The following EQTN variants were observed in gnomAD, a reference collection of about 807,000 sequenced individuals.
The protein encoded by EQTN is equatorin.
Under a neutral mutation model 26.9 loss-of-function variants are expected in EQTN, and 29 were observed. That is an observed-to-expected ratio of 1.08 (90% CI 0.80 to 1.47). EQTN has a LOEUF of 1.47. Ranked by LOEUF, EQTN falls within the 40% of genes most tolerant of loss-of-function variation. The pLI, the probability that EQTN is intolerant of heterozygous loss-of-function variation, is 0.00. For missense variants in EQTN, 391 were observed against 346.1 expected (o/e 1.13, Z -1.03); for synonymous variants, 129 against 120.0 (o/e 1.07, Z -0.49).
At position 27,286,291 on chromosome 9, in the gene EQTN, C is replaced by T. The variant is rs1397234422; in HGVS notation, c.553G>A (p.Gly185Arg). 1.2e-6 allele frequency: 2 copies of T among 1,611,978 alleles called. No homozygotes were observed. Among genetic ancestry groups the T allele is most frequent in the East Asian group, 2.2e-5 (1 of 44,874 alleles). The change falls in exon 7 of 8, where the codon GGA (glycine) becomes AGA (arginine). Residue 185 changes from glycine (G) to arginine (R), a missense_variant. Transcript: ENST00000380032. ...LEDLKIKIMLGISLMTLLLFV... is the reference protein window; with the variant it reads ...LEDLKIKIMLRISLMTLLLFV... ...AGGAGGAGGGTCATCAACGAGATTC[C>T]CAGCATTATTTTGATCTTCAGATCC...
intron 4 of EQTN, 179 bp downstream of exon 4, chr9:27,292,222 C>A: frequency 2.6e-6 from 1 of 380,034 alleles, no homozygotes; most frequent in Non-Finnish European, 4.7e-6. Context: ...GTCAGGTATA[C>A]CTGAAGACTG....
Position 27,286,218 on chromosome 9 carries a change from C to T in EQTN, c.626G>A (p.Arg209Lys), listed in dbSNP as rs756595931. Residue 209 changes from arginine to lysine, a missense_variant, in exon 7 of 8, where the codon AGG (arginine) becomes AAG (lysine). By Grantham distance (26) the Arg-to-Lys change is conservative. Transcript: ENST00000380032. ...AGGTCTGCAGACTTACCTCAGATGC[C>T]TCAGTTTGTACAGTGTAGCACTACA... ...AFCSATLYKL[R>K]HLSYKSCESQ... is the part of the protein sequence containing the mutation. 8.7e-6 allele frequency: 14 copies of T among 1,613,566 alleles called. No individual in the cohort carries two copies. The South Asian group carries it at 1.3e-4, about 15-fold the overall frequency.
chr9:27,287,549 A>G (rs972496847), intron 6 of EQTN, among the ~76,000 whole-genome samples: 12 of 152,164 alleles, frequency 7.9e-5, no homozygotes, highest in African/African-American at 2.9e-4. Context: ...TTTTCTCTCT[A>G]AGCCTCAGTT....
chr9:27,286,541 T>C (rs959997882), intron 6 of EQTN, among the ~76,000 whole-genome samples, 179 bp from the exon 7 acceptor site: 3 of 152,192 alleles, frequency 2.0e-5, no homozygotes, highest in African/African-American at 7.2e-5. Context: ...CAAGCACTAT[T>C]AACTTGCCTC....
intron 6 of EQTN, among the ~76,000 whole-genome samples, chr9:27,288,480 A>G (rs1820164051): frequency 2.0e-5 from 3 of 152,074 alleles, no homozygotes; most frequent in Admixed American, 2.0e-4. Context: ...ACATGAACAT[A>G]CTCTTACCAT....
rs574929754 is a variant in EQTN at position 27,297,122 on chromosome 9, G to T, written c.-67C>A. On this transcript the variant is annotated 5_prime_UTR_variant, in exon 1 of 8. It adds an upstream start codon to the 5' untranslated region. Coordinates refer to ENST00000380032, the MANE Select transcript of EQTN (RefSeq NM_020641.3). ...CCCAGAGCCTCCTTTCTGTGGCCCA[G>T]CAGGTCCTGTGTCTAACTAGGACAT... 449 of 1,131,550 alleles carry T rather than the reference G, an allele frequency of 4.0e-4. No individual in the cohort carries two copies. The highest frequency in any genetic ancestry group is 5.6e-4 in the Non-Finnish European group (432 of 772,790). The allele number at this position is 1,131,550 out of a possible 1,614,324, so 70.1% of individuals were successfully genotyped here.
At chr9:27,289,914 C>T (rs1295869487) in intron 5 of EQTN, among the ~76,000 whole-genome samples, 183 bp from the exon 6 acceptor site, 1 of 152,188 alleles carries the variant, frequency 6.6e-6, no homozygotes, top group Admixed American at 6.5e-5. Context: ...CTGTTGCTCC[C>T]AGGGTAAATA....
At chr9:27,291,130 T>C in intron 4 of EQTN, 67 bp from the exon 5 acceptor site, 1 of 1,347,288 alleles carries the variant, frequency 7.4e-7, no homozygotes, top group South Asian at 1.3e-5. Context: ...ATAATTTAGT[T>C]TGAGGAACAT....
In EQTN at chr9:27,284,952, T is replaced by A. The variant is rs544361425; in HGVS notation, c.656A>T (p.Gln219Leu). The stretch of plus-strand genomic sequence containing the variant: ...GGCCAGCTCTGGGTTGACAGAGTAC[T>A]GACTCTCACAACTTTTATAACTGAA... The part of the protein sequence containing the change: ...RHLSYKSCES[Q>L]YSVNPELATM... The change falls in exon 8 of 8, where the codon CAG (glutamine) becomes CTG (leucine). Residue 219 changes from glutamine to leucine, a missense_variant. Transcript: ENST00000380032. The A allele has an allele frequency of 4.6e-5, 75 of 1,613,130 alleles. No homozygotes were observed. In the East Asian group the frequency reaches 1.4e-3, roughly 30 times the overall value.
chr9:27,295,609 G>A (rs10967866), intron 2 of EQTN, among the ~76,000 whole-genome samples: 46,604 of 151,890 alleles, frequency 0.31, 8,190 homozygotes, highest in Non-Finnish European at 0.39. Context: ...CGAGGCGGGC[G>A]GATCACGAGG....
At chr9:27,291,116 C>T in intron 4 of EQTN, 53 bp from the exon 5 acceptor site, 1 of 1,494,722 alleles carries the variant, frequency 6.7e-7, no homozygotes, top group Non-Finnish European at 9.1e-7. Context: ...AACAGGATAA[C>T]AAAATAATTT....
chr9:27,291,847 T>C (rs1482523066), intron 4 of EQTN, among the ~76,000 whole-genome samples: 2 of 152,188 alleles, frequency 1.3e-5, no homozygotes, highest in East Asian at 1.9e-4. Context: ...TCTCTTCAAT[T>C]AGGCCGCTTA....
intron 6 of EQTN, 125 bp downstream of exon 6, chr9:27,289,547 G>T (rs3739537): frequency 0.27 from 167,488 of 614,660 alleles, 25,235 homozygotes; most frequent in African/African-American, 0.47. Flanking sequence ...AAAGGTTTTT[G>T]TCATGTTGCC....
At chr9:27,294,585 T>TG (rs1820300688) in intron 2 of EQTN, 183 bp from the exon 3 acceptor site, 1 of 383,200 alleles carries the variant, frequency 2.6e-6, no homozygotes, top group African/African-American at 2.1e-5. Context: ...TAAAACTCAT[T>TG]GAAAAAAGCC....
chr9:27,284,939 G>A lies in EQTN; in HGVS notation c.669C>T (p.Asn223=), dbSNP rs1367700138. 2 of 1,614,020 alleles carry A rather than the reference G, an allele frequency of 1.2e-6. No individual in the cohort carries two copies. Among genetic ancestry groups the A allele is most frequent in the Non-Finnish European group, 1.7e-6 (2 of 1,179,968 alleles). Residue 223 remains asparagine, a synonymous_variant, in exon 8 of 8, where the codon AAC becomes AAT. Transcript: ENST00000380032. ...AGTAAGACATCGTGGCCAGCTCTGG[G>A]TTGACAGAGTACTGACTCTCACAAC... The part of the protein sequence containing the change: ...YKSCESQYSV[N]PELATMSYFH...
intron 3 of EQTN, among the ~76,000 whole-genome samples, chr9:27,293,958 GT>G (rs1820286603): frequency 6.6e-6 from 1 of 152,128 alleles, no homozygotes; most frequent in South Asian, 2.1e-4. Context: ...GCAAAAAAAC[GT>G]GGGTTTAAGA....
chr9:27,297,091 C>A lies in EQTN; in HGVS notation c.-36G>T, dbSNP rs148098562. 6.8e-7 allele frequency: 1 copy of A among 1,475,202 alleles called. No homozygotes were observed. Among genetic ancestry groups the A allele is most frequent in the South Asian group, 1.2e-5 (1 of 85,276 alleles). The allele number at this position is 1,475,202 out of a possible 1,614,324, so 91.4% of individuals were successfully genotyped here. A position where few individuals can be genotyped will look rare whatever the true frequency, so the allele number is the denominator to read the frequency against. On this transcript the variant is annotated 5_prime_UTR_variant, in exon 1 of 8. Coordinates refer to ENST00000380032, the MANE Select transcript of EQTN (RefSeq NM_020641.3). ...AAGTGATTTATCCAGTAATCTAGTG[C>A]GTCTACCCAGAGCCTCCTTTCTGTG...
intron 5 of EQTN, among the ~76,000 whole-genome samples, chr9:27,290,697 A>T (rs554916351): frequency 2.0e-5 from 3 of 152,224 alleles, no homozygotes; most frequent in Non-Finnish European, 4.4e-5. Context: ...TTATATATGC[A>T]TCTGTGTGCT....
intron 2 of EQTN, 92 bp from the exon 3 acceptor site, chr9:27,294,494 C>G: frequency 1.7e-6 from 1 of 598,442 alleles, no homozygotes; most frequent in Non-Finnish European, 2.7e-6. Context: ...TTAAAACATG[C>G]ACTAATTAAA....
Sources: allele counts gnomAD v4.1 joint callset (sites outside exome capture counted in the v4.1 genomes callset), GRCh38; gene constraint gnomAD v4.1.1; transcripts MANE v1.5; gene names NCBI Gene and HGNC (gene_info 2026-07-23, HGNC 2026-07-21).